Variants in LINGO2 observed in about 807,000 individuals in gnomAD.
LINGO2 encodes leucine-rich repeat and immunoglobulin-like domain-containing nogo receptor-interacting protein 2.
In LINGO2, 14 loss-of-function variants were observed where a neutral mutation model predicts 30.6. That is an observed-to-expected ratio of 0.46 (90% CI 0.30 to 0.72). LINGO2 has a LOEUF of 0.72. Among genes scored for constraint, LINGO2 ranks in the 30% least tolerant of loss-of-function variants. LINGO2 has a pLI of 0.07. For synonymous variants in LINGO2, 317 were observed against 288.5 expected (o/e 1.10, Z -1.00); for missense variants, 729 against 751.7 (o/e 0.97, Z 0.35).
intron 2 of LINGO2, among the ~76,000 whole-genome samples, chr9:28,378,404 A>G (rs965472106): frequency 2.6e-5 from 4 of 152,176 alleles, no homozygotes; most frequent in African/African-American, 9.7e-5. Flanking sequence ...TGGGATAGGA[A>G]ACTCCCCATG....
intron 1 of LINGO2, among the ~76,000 whole-genome samples, chr9:28,515,733 A>T (rs994676356): frequency 6.6e-6 from 1 of 152,206 alleles, no homozygotes; most frequent in South Asian, 2.1e-4. Context: ...ACATTGTTGA[A>T]ATGACAACAA....
chr9:28,819,992 G>A, the LINGO2 span, among the ~76,000 whole-genome samples: 2 of 152,054 alleles, frequency 1.3e-5, no homozygotes, highest in African/African-American at 4.8e-5. Context: ...ATTCTGCTTT[G>A]AATAAATTAA....
chr9:27,951,976 C>G (rs1819336743), intron 5 of LINGO2, among the ~76,000 whole-genome samples: 1 of 151,844 alleles, frequency 6.6e-6, no homozygotes, highest in African/African-American at 2.4e-5. Context: ...AATTTTCCTC[C>G]AAATGTAGAA....
chr9:28,037,143 T>C (rs1194859726), intron 4 of LINGO2, among the ~76,000 whole-genome samples: 1 of 152,206 alleles, frequency 6.6e-6, no homozygotes, highest in Non-Finnish European at 1.5e-5. Context: ...AACGGAAGTA[T>C]GGGTGGAATA....
chr9:28,996,098 T>C, the LINGO2 span, among the ~76,000 whole-genome samples: 12 of 145,136 alleles, frequency 8.3e-5, no homozygotes, highest in Non-Finnish European at 1.8e-4. Context: ...TTTCTGTGAA[T>C]GAAGATTTAT....
At chr9:28,749,307 A>G in the LINGO2 span, among the ~76,000 whole-genome samples, 1 of 152,144 alleles carries the variant, frequency 6.6e-6, no homozygotes, top group South Asian at 2.1e-4. Flanking sequence ...GTATCTTATG[A>G]AACCATCTCT....
chr9:28,107,755 G>A (rs1032439116), intron 4 of LINGO2, among the ~76,000 whole-genome samples: 11 of 152,052 alleles, frequency 7.2e-5, no homozygotes, highest in African/African-American at 2.4e-4. Context: ...TTGGATGTTT[G>A]CTCAACCTCA....
At chr9:28,535,403 T>A (rs1395308565) in intron 1 of LINGO2, among the ~76,000 whole-genome samples, 3 of 152,086 alleles carry the variant, frequency 2.0e-5, no homozygotes, top group Non-Finnish European at 4.4e-5. Context: ...AATGCACTAA[T>A]GCAAACAAAC....
chr9:28,555,623 G>A lies in LINGO2; in HGVS notation c.-364-79598C>T, dbSNP rs1016697084. On this transcript the variant is annotated intron_variant, in intron 1 of 5. Coordinates refer to ENST00000379992, the Ensembl canonical transcript of LINGO2. ...AACTATTCCAATCAATAGAAAAAGA[G>A]GGAATCCTCCCTAACTCATTTTATG... 1.2e-3 allele frequency among the ~76,000 whole-genome samples: 188 copies of A among 152,118 alleles called. No individual in the cohort carries two copies. The East Asian group carries it at 0.014, about 12-fold the overall frequency.
chr9:28,274,877 T>C (rs1460538345), intron 4 of LINGO2, among the ~76,000 whole-genome samples: 1 of 152,198 alleles, frequency 6.6e-6, no homozygotes, highest in Non-Finnish European at 1.5e-5. Flanking sequence ...CTCACATGTA[T>C]TCAAAGCAGC....
In LINGO2 at chr9:27,950,718, G is replaced by A. The variant is rs1819264955; in HGVS notation, c.-35-12C>T. 2.8e-6 allele frequency: 4 copies of A among 1,431,816 alleles called. No homozygotes were observed. The highest frequency in any genetic ancestry group is 3.7e-6 in the Non-Finnish European group (4 of 1,082,698). The allele number at this position is 1,431,816 out of a possible 1,614,324, so 88.7% of individuals were successfully genotyped here. The stretch of plus-strand genomic sequence containing the variant: ...CCTTGGTCACGGGTCTGCATGGAAG[G>A]GACACAAGAAGGGAGGAAGAGAAGG... On this transcript the variant is annotated splice_polypyrimidine_tract_variant and intron_variant, in intron 5 of 5. Transcript: ENST00000379992.
At chr9:28,266,515 A>G (rs962699206) in intron 4 of LINGO2, among the ~76,000 whole-genome samples, 2 of 151,950 alleles carry the variant, frequency 1.3e-5, no homozygotes, top group Admixed American at 6.6e-5. Flanking sequence ...TAGACACCCT[A>G]CAATTTCAAA....
At chr9:28,270,642 C>G (rs942959036) in intron 4 of LINGO2, among the ~76,000 whole-genome samples, 1 of 152,104 alleles carries the variant, frequency 6.6e-6, no homozygotes, top group Admixed American at 6.6e-5. Context: ...GGTATATGAG[C>G]TGCAGATCAC....
the LINGO2 span, among the ~76,000 whole-genome samples, chr9:28,971,663 A>G: frequency 6.6e-6 from 1 of 152,034 alleles, no homozygotes; most frequent in East Asian, 1.9e-4. Context: ...AAAGTTTTTG[A>G]CTCTAGTCCT....
intron 4 of LINGO2, among the ~76,000 whole-genome samples, chr9:28,061,054 T>A (rs1341956477): frequency 6.6e-6 from 1 of 151,924 alleles, no homozygotes; most frequent in Non-Finnish European, 1.5e-5. Flanking sequence ...TACCTTGCAA[T>A]TGTTCTTGAT....
the LINGO2 span, among the ~76,000 whole-genome samples, chr9:28,703,862 C>T: frequency 6.6e-6 from 1 of 151,876 alleles, no homozygotes; most frequent in East Asian, 1.9e-4. Flanking sequence ...ATTCTTAATT[C>T]CATCCTCCTA....
the LINGO2 span, among the ~76,000 whole-genome samples, chr9:29,180,038 G>T: frequency 6.6e-6 from 1 of 152,150 alleles, no homozygotes; most frequent in Non-Finnish European, 1.5e-5. Flanking sequence ...ACTTCAAAAA[G>T]ATCAGTAAGT....
intron 4 of LINGO2, among the ~76,000 whole-genome samples, chr9:28,022,629 G>C (rs1179779689): frequency 1.3e-5 from 2 of 151,358 alleles, no homozygotes; most frequent in Non-Finnish European, 2.9e-5. Context: ...TTCTGTTCTT[G>C]CTTGCATAAC....
intron 4 of LINGO2, among the ~76,000 whole-genome samples, chr9:28,108,618 T>C (rs1477842373): frequency 6.6e-6 from 1 of 152,072 alleles, no homozygotes; most frequent in African/African-American, 2.4e-5. Flanking sequence ...CCTCTTTACT[T>C]TTCCTGTTAG....
Sources: allele counts gnomAD v4.1 joint callset (sites outside exome capture counted in the v4.1 genomes callset), GRCh38; gene constraint gnomAD v4.1.1; transcripts MANE v1.5; gene names NCBI Gene and HGNC (gene_info 2026-07-23, HGNC 2026-07-21).